CHRNE: variants seen among roughly 807,000 people sequenced by gnomAD.
CHRNE encodes the protein acetylcholine receptor subunit epsilon.
Under a neutral mutation model 56.5 loss-of-function variants are expected in CHRNE, and 58 were observed. The observed-to-expected ratio is 1.03, with a 90% CI of 0.83 to 1.28. The LOEUF (loss-of-function observed/expected upper bound fraction) is 1.28, where lower values mean the gene tolerates loss of function less well. CHRNE is among the 50% of genes most tolerant of loss of function. The probability of loss-of-function intolerance (pLI) is 0.00; values close to 1 mark genes in which losing one functional copy is unlikely to be tolerated. For missense variants in CHRNE, 793 were observed against 688.9 expected (o/e 1.15, Z -1.69); for synonymous variants, 385 against 297.9 (o/e 1.29, Z -3.01).
rs121909512 is a variant in CHRNE at position 4,902,010 on chromosome 17, G to A, written c.422C>T (p.Pro141Leu). ...YEGGSVTWLP[P>L]AIYRSVCAVE... ...TGCGCAGACGCTGCGGTAGATGGCCGGAGGCAGCCACGTCACGGAGCCGCC... is the reference window on the plus strand; with the variant it reads ...TGCGCAGACGCTGCGGTAGATGGCCAGAGGCAGCCACGTCACGGAGCCGCC... Residue 141 changes from proline (P) to leucine (L), a missense_variant, in exon 5 of 12, where the codon CCG (proline) becomes CTG (leucine). Coordinates refer to ENST00000649488, the MANE Select transcript of CHRNE (RefSeq NM_000080.4). The surrounding 1 kb of genome is among the most constrained non-coding windows in gnomAD (Gnocchi z 4.0). The A allele has an allele frequency of 3.3e-5, 54 of 1,613,994 alleles. No homozygotes were observed. Among genetic ancestry groups the A allele is most frequent in the Non-Finnish European group, 4.3e-5 (51 of 1,180,048 alleles).
chr17:4,904,517 G>A (rs999446092), upstream of CHRNE, among the ~76,000 whole-genome samples: 6 of 152,250 alleles, frequency 3.9e-5, no homozygotes, highest in East Asian at 3.9e-4. Context: ...GGTGTTCCTC[G>A]TGAGGTAGGA....
Position 4,901,932 on chromosome 17 carries a change from C to T in CHRNE, c.500G>A (p.Arg167His). The T allele has an allele frequency of 6.2e-7, 1 of 1,613,404 alleles. No individual in the cohort carries two copies. The highest frequency in any genetic ancestry group is 8.5e-7 in the Non-Finnish European group (1 of 1,179,750). The change falls in exon 5 of 12, where the codon CGC becomes CAC. Residue 167 changes from arginine (R) to histidine (H), a missense_variant and splice_region_variant. Arg to His is a conservative substitution (Grantham distance 29). Transcript: ENST00000649488. ...CGGGCCTCGGAGTAGCTCTTCCCAC[C>T]GGAAAATAAGCGAACAGTTCTGCCA... ...FDWQNCSLIF[R>H]SQTYNAEEVE...
upstream of CHRNE, among the ~76,000 whole-genome samples, chr17:4,905,301 C>T (rs1451848489): frequency 2.6e-5 from 4 of 152,178 alleles, no homozygotes; most frequent in Non-Finnish European, 5.9e-5. Flanking sequence ...GTAATCCTAA[C>T]TATTTGGGAG....
intron 8 of CHRNE, 176 bp from the exon 9 acceptor site, chr17:4,899,758 C>T (rs1459037419): frequency 8.4e-6 from 13 of 1,550,794 alleles, no homozygotes; most frequent in Middle Eastern, 1.7e-4. Flanking sequence ...CCACTTGTGG[C>T]GGCCATGAAG....
chr17:4,901,653 C>CT (rs776594213), intron 5 of CHRNE, 28 bp from the exon 6 acceptor site: 6 of 1,602,812 alleles, frequency 3.7e-6, no homozygotes, highest in Admixed American at 1.7e-5. Context: ...GGAGCCCACC[C>CT]CAGAAGCTCT....
chr17:4,901,676 G>A (rs749646840), intron 5 of CHRNE, 51 bp from the exon 6 acceptor site: 6 of 1,541,896 alleles, frequency 3.9e-6, no homozygotes, highest in South Asian at 2.2e-5. Flanking sequence ...CCTGGGCCCC[G>A]GCCTCAGGCC....
Position 4,901,533 on chromosome 17 carries a change from G to A in CHRNE, c.593C>T (p.Ala198Val), listed in dbSNP as rs773435892. 1.9e-6 allele frequency: 3 copies of A among 1,614,064 alleles called. No homozygotes were observed. Among genetic ancestry groups the A allele is most frequent in the Non-Finnish European group, 2.5e-6 (3 of 1,179,926 alleles). Residue 198 changes from alanine to valine, a missense_variant, in exon 6 of 12, where the codon GCC becomes GTC. Physicochemically the swap from Ala to Val is moderately conservative, Grantham distance 64 (BLOSUM62 0). Coordinates refer to ENST00000649488, the MANE Select transcript of CHRNE (RefSeq NM_000080.4). ...GCAGGCAGGGGCTTCACCAGTATAG[G>A]CCTCTGTGTCGATGTCGATCTTGTT... is the stretch of plus-strand genomic sequence containing the variant. ...TINKIDIDTE[A>V]YTENGEWAID... is the part of the protein sequence containing the mutation.
At position 4,899,509 on chromosome 17, in the gene CHRNE, G is replaced by A. The variant is rs121909515; in HGVS notation, c.991C>T (p.Arg331Trp). ...NCVIVLNVSQ[R>W]TPTTHAMSPR... ...GACATGGCGTGGGTGGTGGGCGTCCGCTGGGACACGTTGAGCACGATGACG... is the reference window on the plus strand; with the variant it reads ...GACATGGCGTGGGTGGTGGGCGTCCACTGGGACACGTTGAGCACGATGACG... Residue 331 changes from arginine (R) to tryptophan (W), a missense_variant, in exon 9 of 12, where the codon CGG becomes TGG. Coordinates refer to ENST00000649488, the MANE Select transcript of CHRNE (RefSeq NM_000080.4). The A allele has an allele frequency of 8.7e-6, 14 of 1,603,694 alleles. No individual in the cohort carries two copies. Among genetic ancestry groups the A allele is most frequent in the African/African-American group, 1.3e-5 (1 of 74,956 alleles).
chr17:4,908,443 G>C (rs111265147), intron 1 of CHRNE, among the ~76,000 whole-genome samples: 1 of 151,770 alleles, frequency 6.6e-6, no homozygotes, highest in African/African-American at 2.4e-5. Flanking sequence ...ACAGCAGTGC[G>C]TTCCTGCCAG....
Position 4,898,812 on chromosome 17 carries a change from C to T in CHRNE, c.1406G>A (p.Gly469Asp). ...GGCCCCGAGGAAGATGAGGCTGGAG[C>T]CCACGCTGAAGAGCACCAGAGCGGC... ...FWAALVLFSV[G>D]SSLIFLGAYF... is the part of the protein sequence containing the mutation. The change falls in exon 12 of 12, where the codon GGC (glycine) becomes GAC (aspartate). Residue 469 changes from glycine (G) to aspartate (D), a missense_variant. Transcript: ENST00000649488. 2 of 1,604,728 alleles carry T rather than the reference C, an allele frequency of 1.2e-6. No homozygotes were observed. The highest frequency in any genetic ancestry group is 4.5e-5 in the East Asian group (2 of 44,568).
chr17:4,900,761 T>C (rs1969953868), intron 8 of CHRNE, 32 bp downstream of exon 8: 1 of 1,596,260 alleles, frequency 6.3e-7, no homozygotes, highest in African/African-American at 1.3e-5. Context: ...CCCTTCACAC[T>C]GGCCACACCC....
Position 4,898,396 on chromosome 17 carries a change from AATGAATATAG to A in CHRNE, c.*330_*339del. The A allele has an allele frequency of 2.6e-6, 1 of 379,680 alleles. No homozygotes were observed. Among genetic ancestry groups the A allele is most frequent in the South Asian group, 2.4e-5 (1 of 42,546 alleles). 23.5% of individuals were successfully genotyped at this position (379,680 alleles called of 1,614,324 possible). The stretch of plus-strand genomic sequence containing the variant: ...AAAGGGGTCTCCTGTTTGGCTATGA[AATGAATATAG>A]ATAGATAGCTCACAAGCTGGCAGCC... On this transcript the variant is annotated 3_prime_UTR_variant, in exon 12 of 12. Coordinates refer to ENST00000649488, the MANE Select transcript of CHRNE (RefSeq NM_000080.4).
At chr17:4,900,601 C>T in intron 8 of CHRNE, 192 bp downstream of exon 8, 1 of 1,535,876 alleles carries the variant, frequency 6.5e-7, no homozygotes, top group South Asian at 1.2e-5. Context: ...ACTCGGGAGA[C>T]CTCCAGGTGA....
chr17:4,901,299 A>AGGATG (rs1969977395), intron 6 of CHRNE, 109 bp from the exon 7 acceptor site: 5 of 1,256,612 alleles, frequency 4.0e-6, no homozygotes, highest in Admixed American at 1.9e-5. Context: ...ATGGGCCGTC[A>AGGATG]GGATGGGGGC....
intron 6 of CHRNE, 27 bp downstream of exon 6, chr17:4,901,498 G>A: frequency 6.2e-7 from 1 of 1,608,588 alleles, no homozygotes. Flanking sequence ...CTAGAAGCGG[G>A]TTTTTCTGAG....
In CHRNE at chr17:4,899,495, G is replaced by A. The variant is rs1247241612; in HGVS notation, c.1005C>T (p.Thr335=). Residue 335 remains threonine, a synonymous_variant, in exon 9 of 12, where the codon ACC becomes ACT. Transcript: ENST00000649488. ...VLNVSQRTPT[T]HAMSPRLRHV... is the part of the protein sequence containing the mutation. ...GGCGCAGCCGCGGGGACATGGCGTG[G>A]GTGGTGGGCGTCCGCTGGGACACGT... The A allele has an allele frequency of 2.5e-6, 4 of 1,601,828 alleles. No individual in the cohort carries two copies. The highest frequency in any genetic ancestry group is 3.4e-6 in the Non-Finnish European group (4 of 1,175,640).
upstream of CHRNE, among the ~76,000 whole-genome samples, chr17:4,903,898 C>T (rs1420294580): frequency 6.6e-6 from 1 of 152,234 alleles, no homozygotes; most frequent in East Asian, 1.9e-4. Flanking sequence ...CGCTCTGGCG[C>T]CCAGACTGGA....
Position 4,901,117 on chromosome 17 carries a change from T to C in CHRNE, c.675A>G (p.Pro225=), listed in dbSNP as rs1427646615. The C allele has an allele frequency of 1.2e-6, 2 of 1,613,114 alleles. No individual in the cohort carries two copies. The highest frequency in any genetic ancestry group is 1.7e-6 in the Non-Finnish European group (2 of 1,179,930). Residue 225 remains proline, a synonymous_variant, in exon 7 of 12, where the codon CCA becomes CCG. Transcript: ENST00000649488. ...GCGAGTAGATGACGTCAGTCTCCCC[T>C]GGGCCGTCGGTGGCGCCACCGTGGT... ...RRHHGGATDG[P]GETDVIYSLI...
At chr17:4,900,368 T>TGG (rs879460553) in intron 8 of CHRNE, 3 of 1,549,170 alleles carry the variant, frequency 1.9e-6, no homozygotes, top group African/African-American at 1.4e-5. Context: ...TTCGGCAAGC[T>TGG]GGGGCTGCGG....
Sources: gnomAD v4.1 joint callset for allele counts (sites outside exome capture counted in the v4.1 genomes callset) on GRCh38, gnomAD v4.1.1 for gene constraint, Gnocchi (gnomAD v3.1) non-coding constraint, MANE v1.5 for transcripts, NCBI Gene and HGNC (gene_info 2026-07-23, HGNC 2026-07-21) for gene names.